TMCO1: variants seen among roughly 807,000 people sequenced by gnomAD.
The protein encoded by TMCO1 is calcium load-activated calcium channel.
In TMCO1, 29 loss-of-function variants were observed where a neutral mutation model predicts 29.3. The ratio of observed to expected loss-of-function variants is 0.99; its 90% CI spans 0.74 to 1.35. The LOEUF (loss-of-function observed/expected upper bound fraction) is 1.35, where lower values mean the gene tolerates loss of function less well. Ranked by LOEUF, TMCO1 falls within the 40% of genes most tolerant of loss-of-function variation. The pLI is 0.00. For missense variants in TMCO1, 173 were observed against 225.5 expected, an observed-to-expected ratio of 0.77 and a Z score of 1.49; for synonymous variants, 80 against 77.1, an observed-to-expected ratio of 1.04 and a Z score of -0.20.
chr1:165,746,773 T>G (rs1362480962), intron 5 of TMCO1, among the ~76,000 whole-genome samples: 2 of 152,152 alleles, frequency 1.3e-5, no homozygotes, highest in African/African-American at 4.8e-5. Flanking sequence ...CCTCTTCTGG[T>G]TGTTCTAATT....
rs1282605917 is a variant in TMCO1, at chr1:165,748,158, C to CAAAAAAA, written c.323+3937_323+3943dup. Among the ~76,000 whole-genome samples the CAAAAAAA allele has an allele frequency of 1.0e-3, 128 of 125,210 alleles. 1 individual carries two copies. Among genetic ancestry groups the CAAAAAAA allele is most frequent in the African/African-American group, 3.7e-3 (126 of 34,074 alleles). The allele number at this position is 125,210 out of a possible 152,430, so 82.1% of individuals were successfully genotyped here. On this transcript the variant is annotated intron_variant, in intron 5 of 6. Transcript: ENST00000367881. The stretch of plus-strand genomic sequence containing the variant: ...TGGGTGACACAGCAAGACTCCATTT[C>CAAAAAAA]AAAAAAAAAAAAACCAGTAAAAGGG...
chr1:165,725,923 T>C (rs1426215356), downstream of TMCO1: 4 of 633,598 alleles, frequency 6.3e-6, no homozygotes, highest in South Asian at 6.1e-5. Context: ...TAATCTCTCC[T>C]TTTTAACTTC....
chr1:165,768,911 G>A, upstream of TMCO1: 3 of 1,543,142 alleles, frequency 1.9e-6, no homozygotes, highest in Non-Finnish European at 2.6e-6. Context: ...GCATAGCACC[G>A]GAAAGGCTCG....
At chr1:165,730,940 G>A (rs553859391) in intron 6 of TMCO1, among the ~76,000 whole-genome samples, 3 of 144,456 alleles carry the variant, frequency 2.1e-5, no homozygotes, top group South Asian at 2.2e-4. Flanking sequence ...TCGCTCTGTC[G>A]CCAGGCTGGA....
At position 165,763,907 on chromosome 1, in the gene TMCO1, G is replaced by A. The variant is rs536258488; in HGVS notation, c.148+4285C>T. ...CTCCCAAAGTGTTGGGATTACAGGC[G>A]TAAGCCACTGCACCTGGCCTCAACT... On this transcript the variant is annotated intron_variant, in intron 2 of 6. Coordinates refer to ENST00000367881, the MANE Select transcript of TMCO1 (RefSeq NM_019026.6). 1.1e-4 allele frequency among the ~76,000 whole-genome samples: 17 copies of A among 152,310 alleles called. No individual in the cohort carries two copies. The South Asian group carries it at 1.7e-3, about 15-fold the overall frequency.
intron 3 of TMCO1, among the ~76,000 whole-genome samples, chr1:165,756,257 G>C (rs150997317): frequency 3.9e-4 from 60 of 152,246 alleles, no homozygotes; most frequent in African/African-American, 1.4e-3. Flanking sequence ...TAAGGGGTTG[G>C]GAGTGGGGAA....
chr1:165,747,095 T>C (rs1035445601), intron 5 of TMCO1, among the ~76,000 whole-genome samples: 1 of 151,918 alleles, frequency 6.6e-6, no homozygotes, highest in Non-Finnish European at 1.5e-5. Flanking sequence ...ACCCCATCTC[T>C]ACTAAAAATA....
intron 6 of TMCO1, among the ~76,000 whole-genome samples, chr1:165,728,796 G>A (rs1327953998): frequency 6.6e-6 from 1 of 151,930 alleles, no homozygotes; most frequent in East Asian, 1.9e-4. Context: ...TTACTGCACT[G>A]TCTATAATTT....
chr1:165,764,075 G>T (rs1184377585), intron 2 of TMCO1, among the ~76,000 whole-genome samples: 1 of 152,112 alleles, frequency 6.6e-6, no homozygotes, highest in Non-Finnish European at 1.5e-5. Flanking sequence ...AATATTTAAG[G>T]TATAAGAATA....
intron 6 of TMCO1, among the ~76,000 whole-genome samples, chr1:165,736,067 A>T (rs1651366925): frequency 6.6e-6 from 1 of 152,008 alleles, no homozygotes; most frequent in Non-Finnish European, 1.5e-5. Context: ...TTGTCCTTTC[A>T]AAAAAAAGGT....
At chr1:165,747,307 TATAGAC>T (rs1218492301) in intron 5 of TMCO1, among the ~76,000 whole-genome samples, 1 of 149,252 alleles carries the variant, frequency 6.7e-6, no homozygotes, top group Non-Finnish European at 1.5e-5. Flanking sequence ...ATAAGCTACT[TATAGAC>T]AGTAGTAGCA....
At chr1:165,759,052 T>TA (rs1652301824) in intron 3 of TMCO1, among the ~76,000 whole-genome samples, 1 of 152,190 alleles carries the variant, frequency 6.6e-6, no homozygotes, top group Admixed American at 6.5e-5. Context: ...TAAGTTATAC[T>TA]AAAAAACTAA....
chr1:165,755,209 C>T (rs900830573), intron 3 of TMCO1, among the ~76,000 whole-genome samples: 4 of 152,108 alleles, frequency 2.6e-5, no homozygotes, highest in African/African-American at 9.7e-5. Flanking sequence ...ATGGAGGCTA[C>T]ATTTCTTGTG....
chr1:165,724,412 C>T (rs562308074), downstream of TMCO1: 21 of 454,002 alleles, frequency 4.6e-5, no homozygotes, highest in African/African-American at 4.0e-4. Context: ...CTAAGAAAAA[C>T]TCTACAAGGT....
chr1:165,725,889 T>G (rs935399413), downstream of TMCO1: 3 of 562,604 alleles, frequency 5.3e-6, no homozygotes, highest in African/African-American at 5.6e-5. Flanking sequence ...TTAAAAAAAT[T>G]TTAATGAATA....
intron 6 of TMCO1, among the ~76,000 whole-genome samples, chr1:165,734,102 G>A (rs1004014362): frequency 2.0e-5 from 3 of 152,092 alleles, no homozygotes; most frequent in African/African-American, 4.8e-5. Context: ...CCAATTAATC[G>A]CAATATCTCA....
At chr1:165,739,282 C>T (rs535670637) in intron 6 of TMCO1, among the ~76,000 whole-genome samples, 74 of 152,236 alleles carry the variant, frequency 4.9e-4, no homozygotes, top group Middle Eastern at 6.8e-3. Context: ...TTTGCCGATC[C>T]GCACTGAAAA....
chr1:165,724,587 G>A (rs1441775562), downstream of TMCO1: 1 of 454,058 alleles, frequency 2.2e-6, no homozygotes, highest in African/African-American at 2.0e-5. Context: ...CCAGCTCTGG[G>A]GTGGGGCCCA....
intron 6 of TMCO1, among the ~76,000 whole-genome samples, chr1:165,729,151 T>TTGAAAGTA (rs113291731): frequency 0.033 from 4,926 of 150,988 alleles, 289 homozygotes; most frequent in African/African-American, 0.11. Flanking sequence ...CTTTACAGTG[T>TTGAAAGTA]TGAAAGTACT....
Sources: allele counts gnomAD v4.1 joint callset (sites outside exome capture counted in the v4.1 genomes callset), GRCh38; gene constraint gnomAD v4.1.1; transcripts MANE v1.5; gene names NCBI Gene and HGNC (gene_info 2026-07-23, HGNC 2026-07-21).